The following ESRRG variants were observed in gnomAD, a reference collection of about 807,000 sequenced individuals.
ESRRG encodes estrogen related receptor gamma.
In ESRRG, 13 loss-of-function variants were observed where a neutral mutation model predicts 44.0. The observed-to-expected ratio is 0.30, with a 90% CI of 0.19 to 0.47. The LOEUF is 0.47. Ranked by LOEUF, ESRRG falls within the 20% of genes least tolerant of loss-of-function variation. The probability of loss-of-function intolerance (pLI) is 1.00; values close to 1 mark genes in which losing one functional copy is unlikely to be tolerated. For synonymous variants in ESRRG, 215 were observed against 214.6 expected, an observed-to-expected ratio of 1.00 and a Z score of -0.02; for missense variants, 395 against 580.6, an observed-to-expected ratio of 0.68 and a Z score of 3.29.
intron 2 of ESRRG, among the ~76,000 whole-genome samples, chr1:216,913,738 C>T (rs968916532): frequency 8.5e-5 from 13 of 152,148 alleles, no homozygotes; most frequent in Admixed American, 3.9e-4. Flanking sequence ...TGATGTAGTG[C>T]GTGTGATAAG....
intron 2 of ESRRG, among the ~76,000 whole-genome samples, chr1:216,891,036 T>C (rs919339850): frequency 6.6e-6 from 1 of 152,124 alleles, no homozygotes; most frequent in Admixed American, 6.5e-5. Context: ...GCCAAAAATA[T>C]GGATTTCAAG....
intron 3 of ESRRG, among the ~76,000 whole-genome samples, chr1:216,612,902 TA>T (rs1283005611): frequency 2.0e-5 from 3 of 152,216 alleles, no homozygotes; most frequent in African/African-American, 7.2e-5. Context: ...GAAAGCCAAC[TA>T]AATACATGGG....
chr1:216,523,510 T>G (rs1253199365), intron 5 of ESRRG, among the ~76,000 whole-genome samples: 3 of 151,634 alleles, frequency 2.0e-5, no homozygotes, highest in Admixed American at 6.6e-5. Context: ...TTGTTTTTTT[T>G]TTTTTTTAGC....
chr1:216,510,831 G>A (rs1469369919), intron 6 of ESRRG, among the ~76,000 whole-genome samples: 3 of 152,116 alleles, frequency 2.0e-5, no homozygotes, highest in East Asian at 1.9e-4. Context: ...CTGAGATCGC[G>A]CCACTGCACT....
chr1:216,715,388 C>T (rs770929214), intron 1 of ESRRG: 49 of 222,750 alleles, frequency 2.2e-4, no homozygotes, highest in South Asian at 4.9e-4. Flanking sequence ...CAGTTGGTTA[C>T]GGGTATGATA....
chr1:216,706,844 C>T (rs1033905158), intron 1 of ESRRG, among the ~76,000 whole-genome samples: 1 of 152,134 alleles, frequency 6.6e-6, no homozygotes, highest in South Asian at 2.1e-4. Context: ...TTTTAATGAC[C>T]TGGAGCAAAC....
chr1:216,517,785 A>G (rs2044786618), intron 6 of ESRRG, among the ~76,000 whole-genome samples: 1 of 152,124 alleles, frequency 6.6e-6, no homozygotes, highest in Admixed American at 6.5e-5. Flanking sequence ...TAACAATGTC[A>G]TTTGTCATAA....
chr1:216,541,755 G>A (rs2052855610), intron 5 of ESRRG, among the ~76,000 whole-genome samples: 2 of 151,870 alleles, frequency 1.3e-5, no homozygotes, highest in Admixed American at 6.6e-5. Context: ...TTTGTTCTAC[G>A]TCTGTAATCA....
chr1:216,794,408 G>A (rs2094417244), intron 2 of ESRRG, among the ~76,000 whole-genome samples: 2 of 152,174 alleles, frequency 1.3e-5, no homozygotes, highest in African/African-American at 4.8e-5. Context: ...AGTAGCAGGA[G>A]TTAGTTCTGA....
At chr1:217,106,095 G>C (rs1352285227) in intron 1 of ESRRG, among the ~76,000 whole-genome samples, 1 of 152,132 alleles carries the variant, frequency 6.6e-6, no homozygotes, top group Non-Finnish European at 1.5e-5. Context: ...AAATAAAGAA[G>C]TTCTTTCTTC....
intron 1 of ESRRG, among the ~76,000 whole-genome samples, chr1:217,004,596 A>G (rs908946049): frequency 6.6e-6 from 1 of 152,208 alleles, no homozygotes; most frequent in Non-Finnish European, 1.5e-5. Context: ...TATACTGACC[A>G]ACAATGAAGT....
intron 2 of ESRRG, among the ~76,000 whole-genome samples, chr1:216,903,677 A>G (rs61325680): frequency 0.097 from 14,419 of 148,890 alleles, 767 homozygotes; most frequent in East Asian, 0.14. Flanking sequence ...TGCAGAAGAG[A>G]AAAAAAAAAC....
chr1:217,107,180 C>A (rs958827174), intron 1 of ESRRG, among the ~76,000 whole-genome samples: 1 of 152,188 alleles, frequency 6.6e-6, no homozygotes, highest in Non-Finnish European at 1.5e-5. Flanking sequence ...ATTTGCCAAT[C>A]TGATATGTTA....
At chr1:216,576,970 C>A (rs186786830) in intron 3 of ESRRG, among the ~76,000 whole-genome samples, 97 of 152,130 alleles carry the variant, frequency 6.4e-4, no homozygotes, top group Middle Eastern at 3.4e-3. Context: ...TATCTATAAA[C>A]TGATGCTGAC....
intron 2 of ESRRG, among the ~76,000 whole-genome samples, chr1:216,888,133 C>G (rs1349590044): frequency 1.3e-5 from 2 of 152,062 alleles, no homozygotes; most frequent in Non-Finnish European, 2.9e-5. Context: ...TGCAATTTTT[C>G]CTTTATTTTA....
chr1:216,951,540 C>T (rs1038398182), intron 1 of ESRRG, among the ~76,000 whole-genome samples: 6 of 152,010 alleles, frequency 3.9e-5, no homozygotes, highest in East Asian at 1.9e-4. Flanking sequence ...TTTTAGCTTC[C>T]GCTTCTTATT....
chr1:216,644,118 C>A (rs2067011039), intron 3 of ESRRG, among the ~76,000 whole-genome samples: 1 of 152,142 alleles, frequency 6.6e-6, no homozygotes, highest in African/African-American at 2.4e-5. Flanking sequence ...GGTTCCTTAT[C>A]TGACTAATGA....
intron 2 of ESRRG, among the ~76,000 whole-genome samples, chr1:216,740,581 T>G (rs1359471971): frequency 1.3e-5 from 2 of 151,512 alleles, no homozygotes; most frequent in Admixed American, 6.6e-5. Flanking sequence ...TTTTGTTCAA[T>G]TTTGGACGAG....
intron 2 of ESRRG, among the ~76,000 whole-genome samples, chr1:216,878,402 A>G (rs1266373906): frequency 6.6e-6 from 1 of 152,212 alleles, no homozygotes; most frequent in African/African-American, 2.4e-5. Flanking sequence ...CGTTAAATAT[A>G]CATACTTAAA....
Sources: gnomAD v4.1 joint callset for allele counts (sites outside exome capture counted in the v4.1 genomes callset) on GRCh38, gnomAD v4.1.1 for gene constraint, MANE v1.5 for transcripts, NCBI Gene and HGNC (gene_info 2026-07-23, HGNC 2026-07-21) for gene names.